The following MYT1L variants were observed in gnomAD, a reference collection of about 807,000 sequenced individuals.
MYT1L encodes myelin transcription factor 1 like.
Under a neutral mutation model 126.7 loss-of-function variants are expected in MYT1L, and 12 were observed. The ratio of observed to expected loss-of-function variants is 0.09; its 90% confidence interval spans 0.06 to 0.15. The LOEUF is 0.15. Among genes scored for constraint, MYT1L ranks in the 10% least tolerant of loss-of-function variants. The pLI, the probability that MYT1L is intolerant of heterozygous loss-of-function variation, is 1.00. For synonymous variants in MYT1L, 541 were observed against 604.2 expected, an observed-to-expected ratio of 0.90 and a Z score of 1.53; for missense variants, 979 against 1,585.2, an observed-to-expected ratio of 0.62 and a Z score of 6.49.
Position 1,934,291 on chromosome 2 carries a change from C to CATATATATATATAT in MYT1L, c.505+8677_505+8690dup, listed in dbSNP as rs71276815. Reference sequence around the variant, plus strand: ...CCCCGCCTGATTTTGATTTTTATAACATATATATATATATATACAACCTCA... The same window carrying CATATATATATATAT: ...CCCCGCCTGATTTTGATTTTTATAACATATATATATATATATATATATATATATATACAACCTCA... On this transcript the variant is annotated intron_variant, in intron 9 of 24. Coordinates refer to ENST00000647738, the MANE Select transcript of MYT1L (RefSeq NM_001303052.2). Among the ~76,000 whole-genome samples, 602 of 123,510 alleles carry CATATATATATATAT rather than the reference C, an allele frequency of 4.9e-3. 11 individuals are homozygous for CATATATATATATAT. Among genetic ancestry groups the CATATATATATATAT allele is most frequent in the African/African-American group, 0.014 (470 of 33,166 alleles). The allele number at this position is 123,510 out of a possible 152,430, so 81.0% of individuals were successfully genotyped here. A position where few individuals can be genotyped will look rare whatever the true frequency, so the allele number is the denominator to read the frequency against.
chr2:2,201,816 A>G (rs1268295863), intron 2 of MYT1L, among the ~76,000 whole-genome samples: 1 of 152,236 alleles, frequency 6.6e-6, no homozygotes, highest in African/African-American at 2.4e-5. Flanking sequence ...TTTTCAAAAC[A>G]CTAAAACTTT....
chr2:2,320,590 A>T (rs1201761313), intron 1 of MYT1L, among the ~76,000 whole-genome samples: 2 of 152,220 alleles, frequency 1.3e-5, no homozygotes, highest in African/African-American at 4.8e-5. Flanking sequence ...CACTGTTAGA[A>T]CAACTACCAT....
intron 3 of MYT1L, among the ~76,000 whole-genome samples, chr2:2,080,519 A>G (rs564053679): frequency 6.6e-6 from 1 of 152,364 alleles, no homozygotes; most frequent in Non-Finnish European, 1.5e-5. Context: ...AAATGATTTG[A>G]ATAGACATTT....
At chr2:1,792,508 T>C (rs756792071) in intron 23 of MYT1L, 44 bp from the exon 24 acceptor site, 2 of 1,584,810 alleles carry the variant, frequency 1.3e-6, no homozygotes, top group African/African-American at 1.3e-5. Context: ...CAGGAGGACC[T>C]AGGAGCGCGT....
intron 3 of MYT1L, among the ~76,000 whole-genome samples, chr2:2,065,407 A>G (rs2071101185): frequency 6.6e-6 from 1 of 152,218 alleles, no homozygotes; most frequent in South Asian, 2.1e-4. Context: ...CTCCTCTGTT[A>G]CCTTGCTGTA....
intron 1 of MYT1L, among the ~76,000 whole-genome samples, chr2:2,320,971 G>A (rs532018837): frequency 2.6e-5 from 4 of 152,330 alleles, no homozygotes; most frequent in African/African-American, 9.6e-5. Flanking sequence ...CCATACATCC[G>A]TGGTCTACCA....
At chr2:1,956,404 G>GTCTATCTA (rs372440974) in intron 8 of MYT1L, among the ~76,000 whole-genome samples, 22,297 of 81,736 alleles carry the variant, frequency 0.27, 4,505 homozygotes, top group Admixed American at 0.34. Flanking sequence ...CTATCTGTCT[G>GTCTATCTA]TCTATCTATC....
At chr2:2,236,499 C>T (rs1451175085) in intron 2 of MYT1L, among the ~76,000 whole-genome samples, 3 of 149,868 alleles carry the variant, frequency 2.0e-5, no homozygotes, top group Non-Finnish European at 4.4e-5. Context: ...CATCCGAACC[C>T]AACCCAGCAC....
At chr2:2,247,038 T>C (rs533551168) in intron 2 of MYT1L, among the ~76,000 whole-genome samples, 3 of 152,286 alleles carry the variant, frequency 2.0e-5, no homozygotes, top group Admixed American at 1.3e-4. Flanking sequence ...AGTTCCTACT[T>C]ATTAATAATA....
chr2:1,832,119 G>C (rs529184873), intron 21 of MYT1L, among the ~76,000 whole-genome samples: 8 of 152,246 alleles, frequency 5.3e-5, no homozygotes, highest in South Asian at 4.1e-4. Flanking sequence ...TTTGGAGCTG[G>C]GGCCTCTAAG....
chr2:2,330,630 A>G (rs2096279089), intron 1 of MYT1L, among the ~76,000 whole-genome samples: 1 of 152,234 alleles, frequency 6.6e-6, no homozygotes, highest in Admixed American at 6.5e-5. Flanking sequence ...TTTGTAATGT[A>G]AAGTAATCCA....
chr2:2,104,998 T>C (rs1226632735), intron 3 of MYT1L, among the ~76,000 whole-genome samples: 4 of 152,168 alleles, frequency 2.6e-5, no homozygotes, highest in East Asian at 1.9e-4. Context: ...CTGAAAATAA[T>C]AGATTGGATC....
chr2:2,070,021 G>A (rs1375131352), intron 3 of MYT1L, among the ~76,000 whole-genome samples: 1 of 151,406 alleles, frequency 6.6e-6, no homozygotes, highest in African/African-American at 2.4e-5. Context: ...ATTAGAGAAA[G>A]GCAACTCAAA....
At chr2:2,249,288 C>T (rs2094591780) in intron 2 of MYT1L, among the ~76,000 whole-genome samples, 1 of 151,340 alleles carries the variant, frequency 6.6e-6, no homozygotes, top group Non-Finnish European at 1.5e-5. Context: ...CAAATAAAAA[C>T]AAATACCTAG....
At chr2:2,321,943 A>G (rs891760654) in intron 1 of MYT1L, among the ~76,000 whole-genome samples, 1 of 152,220 alleles carries the variant, frequency 6.6e-6, no homozygotes, top group African/African-American at 2.4e-5. Context: ...ACACATCTAA[A>G]GCAGGTTTAC....
chr2:2,154,962 A>G (rs1334423415), intron 3 of MYT1L, among the ~76,000 whole-genome samples: 1 of 152,220 alleles, frequency 6.6e-6, no homozygotes, highest in African/African-American at 2.4e-5. Flanking sequence ...CCTTATCTCT[A>G]CTAAAAATAC....
At chr2:1,986,150 T>C (rs184458550) in intron 5 of MYT1L, among the ~76,000 whole-genome samples, 56 of 152,384 alleles carry the variant, frequency 3.7e-4, no homozygotes, top group Admixed American at 5.9e-4. Context: ...CTAATTACAT[T>C]GTACTAATGC....
intron 3 of MYT1L, among the ~76,000 whole-genome samples, chr2:2,115,686 C>T (rs1021176113): frequency 4.6e-5 from 7 of 152,210 alleles, no homozygotes; most frequent in African/African-American, 1.7e-4. Flanking sequence ...TTCTGTGGCT[C>T]GGTCTTGTGC....
intron 2 of MYT1L, among the ~76,000 whole-genome samples, chr2:2,275,292 T>C (rs1218644226): frequency 6.6e-6 from 1 of 151,268 alleles, no homozygotes; most frequent in Non-Finnish European, 1.5e-5. Flanking sequence ...CATGTGAGAC[T>C]ATCACATTGC....
Sources: gnomAD v4.1 joint callset for allele counts (sites outside exome capture counted in the v4.1 genomes callset) on GRCh38, gnomAD v4.1.1 for gene constraint, MANE v1.5 for transcripts, NCBI Gene and HGNC (gene_info 2026-07-23, HGNC 2026-07-21) for gene names.